The following PSD3 variants were observed in gnomAD, a reference collection of about 807,000 sequenced individuals.
The protein encoded by PSD3 is PH and SEC7 domain-containing protein 3.
A neutral mutation model predicts 105.5 loss-of-function variants in PSD3; 49 were observed. The ratio of observed to expected loss-of-function variants is 0.46; its 90% CI spans 0.37 to 0.59. The LOEUF (loss-of-function observed/expected upper bound fraction) is 0.59, where lower values mean the gene tolerates loss of function less well. Ranked by LOEUF, PSD3 falls within the 20% of genes least tolerant of loss-of-function variation. The probability of loss-of-function intolerance (pLI) is 0.00; values close to 1 mark genes in which losing one functional copy is unlikely to be tolerated. For synonymous variants in PSD3, 557 were observed against 457.8 expected (o/e 1.22, Z -2.77); for missense variants, 1,561 against 1,263.8 (o/e 1.24, Z -3.57).
At chr8:18,797,407 T>G (rs1269281085) in intron 8 of PSD3, among the ~76,000 whole-genome samples, 2 of 152,172 alleles carry the variant, frequency 1.3e-5, no homozygotes, top group African/African-American at 2.4e-5. Flanking sequence ...TTAATTTATG[T>G]AAACTCTTTT....
chr8:18,957,074 T>G (rs527704899), intron 1 of PSD3, among the ~76,000 whole-genome samples: 3 of 152,172 alleles, frequency 2.0e-5, no homozygotes, highest in Admixed American at 2.0e-4. Flanking sequence ...ACACCTGGAT[T>G]TAAGAGTAAA....
intron 9 of PSD3, among the ~76,000 whole-genome samples, chr8:18,747,652 T>C (rs564197294): frequency 6.6e-6 from 1 of 152,134 alleles, no homozygotes; most frequent in Non-Finnish European, 1.5e-5. Flanking sequence ...TATGGCTGGA[T>C]AGTGACAAGA....
In PSD3 at chr8:18,750,665, G is replaced by T. The variant is rs192495821; in HGVS notation, c.2172+14784C>A. Among the ~76,000 whole-genome samples, 8 of 152,150 alleles carry T rather than the reference G, an allele frequency of 5.3e-5. No homozygotes were observed. In the East Asian group the frequency reaches 1.6e-3, roughly 30 times the overall value. On this transcript the variant is annotated intron_variant, in intron 9 of 15. Coordinates refer to ENST00000327040, the MANE Select transcript of PSD3 (RefSeq NM_015310.4). ...CCACATCCTGCTGATTGGTAGAGCC[G>T]AGTGGCCTGTTTTGACAGGGCGCTG...
intron 9 of PSD3, among the ~76,000 whole-genome samples, chr8:18,704,151 T>C (rs1801752149): frequency 6.6e-6 from 1 of 152,198 alleles, no homozygotes; most frequent in Non-Finnish European, 1.5e-5. Flanking sequence ...CTTTAGACCA[T>C]TTGGCAACTA....
At chr8:18,820,171 C>CTTTTTTTTTTT (rs11357749) in intron 4 of PSD3, among the ~76,000 whole-genome samples, 1 of 128,092 alleles carries the variant, frequency 7.8e-6, no homozygotes. Context: ...CATTTTTTTC[C>CTTTTTTTTTTT]TTTTTTTTTT....
chr8:18,546,520 G>C (rs938992457), intron 15 of PSD3, among the ~76,000 whole-genome samples: 2 of 151,944 alleles, frequency 1.3e-5, no homozygotes, highest in African/African-American at 2.4e-5. Flanking sequence ...ACAAACACTA[G>C]GTTTTGATGA....
chr8:18,689,328 C>A (rs1270178942), intron 9 of PSD3, among the ~76,000 whole-genome samples: 1 of 152,178 alleles, frequency 6.6e-6, no homozygotes, highest in Admixed American at 6.5e-5. Flanking sequence ...GAAAGGCTTT[C>A]AGATCCCAAG....
At chr8:18,665,415 G>T (rs942107931) in intron 9 of PSD3, among the ~76,000 whole-genome samples, 6 of 152,218 alleles carry the variant, frequency 3.9e-5, no homozygotes, top group Non-Finnish European at 8.8e-5. Flanking sequence ...GGAGCCTAAA[G>T]ATATGACTGC....
At chr8:19,066,106 G>A (rs1486138283) in intron 1 of PSD3, among the ~76,000 whole-genome samples, 1 of 152,192 alleles carries the variant, frequency 6.6e-6, no homozygotes. Context: ...TAGATGGGAT[G>A]CTGCCCAATT....
chr8:18,735,649 T>C (rs1253098503), intron 9 of PSD3, among the ~76,000 whole-genome samples: 1 of 152,120 alleles, frequency 6.6e-6, no homozygotes, highest in Non-Finnish European at 1.5e-5. Flanking sequence ...AAGCCTTACA[T>C]AAAAAGCTTC....
At position 18,865,268 on chromosome 8, in the gene PSD3, ATATATATATATATATATATTTTTT is replaced by A. The variant is rs1563360493; in HGVS notation, c.1634+2382_1634+2405del. The A allele has an allele frequency of 3.0e-3, 8 of 2,650 alleles. 1 individual carries two copies. Among genetic ancestry groups the A allele is most frequent in the South Asian group, 0.038 (1 of 26 alleles). 0.2% of individuals were successfully genotyped at this position (2,650 alleles called of 1,614,324 possible). On this transcript the variant is annotated intron_variant, in intron 4 of 15. Coordinates refer to ENST00000327040, the MANE Select transcript of PSD3 (RefSeq NM_015310.4). ...TATATATATATATATATATATATATATATATATATATATATATATTTTTTTTTTTTTTTTTTTTTTTAAAGGCTA... is the reference window on the plus strand; with the variant it reads ...TATATATATATATATATATATATATATTTTTTTTTTTTTTTTTAAAGGCTA...
chr8:18,737,546 G>A (rs1585781575), intron 9 of PSD3, among the ~76,000 whole-genome samples: 1 of 152,122 alleles, frequency 6.6e-6, no homozygotes, highest in African/African-American at 2.4e-5. Context: ...CAAGCAATCT[G>A]CTCGCTTGGC....
At chr8:19,077,820 C>A (rs1454725983) in intron 1 of PSD3, among the ~76,000 whole-genome samples, 1 of 152,118 alleles carries the variant, frequency 6.6e-6, no homozygotes, top group African/African-American at 2.4e-5. Context: ...GTTCAAGGTT[C>A]AGTATAACCC....
intron 9 of PSD3, among the ~76,000 whole-genome samples, chr8:18,705,452 G>A (rs977560373): frequency 6.8e-6 from 1 of 147,008 alleles, no homozygotes; most frequent in East Asian, 2.0e-4. Flanking sequence ...GATGACTTGA[G>A]CTTGGGAGGC....
intron 12 of PSD3, among the ~76,000 whole-genome samples, chr8:18,582,984 C>T (rs573173230): frequency 2.6e-5 from 4 of 152,114 alleles, no homozygotes; most frequent in South Asian, 4.2e-4. Flanking sequence ...CGTGCCACCA[C>T]GCCTGGCTAA....
intron 6 of PSD3, 52 bp from the exon 7 acceptor site, chr8:18,801,434 A>C: frequency 1.0e-6 from 1 of 995,058 alleles, no homozygotes; most frequent in East Asian, 2.4e-5. Flanking sequence ...ATGCTATCAC[A>C]CTCTTTCATA....
At chr8:18,595,976 C>A (rs934241870) in intron 12 of PSD3, among the ~76,000 whole-genome samples, 11 of 152,144 alleles carry the variant, frequency 7.2e-5, no homozygotes, top group African/African-American at 2.6e-4. Context: ...GCACATGGAA[C>A]ATTCTCTGGG....
At chr8:18,744,742 T>C (rs1184562195) in intron 9 of PSD3, among the ~76,000 whole-genome samples, 1 of 152,196 alleles carries the variant, frequency 6.6e-6, no homozygotes, top group East Asian at 1.9e-4. Flanking sequence ...GTTGGTATAG[T>C]ATTAACTGAA....
intron 2 of PSD3, among the ~76,000 whole-genome samples, chr8:18,883,711 T>C (rs968582032): frequency 6.6e-6 from 1 of 152,186 alleles, no homozygotes; most frequent in Non-Finnish European, 1.5e-5. Context: ...TTTGGATGCG[T>C]TGCTTTTAAA....
Sources: allele counts gnomAD v4.1 joint callset (sites outside exome capture counted in the v4.1 genomes callset), GRCh38; gene constraint gnomAD v4.1.1; transcripts MANE v1.5; gene names NCBI Gene and HGNC (gene_info 2026-07-23, HGNC 2026-07-21).